The following DOCK1 variants were observed in gnomAD, a reference collection of about 807,000 sequenced individuals.
DOCK1 encodes the protein dedicator of cytokinesis 1, also known as dedicator of cytokinesis protein 1.
A neutral mutation model predicts 262.7 loss-of-function variants in DOCK1; 138 were observed. The observed-to-expected ratio is 0.53, with a 90% CI of 0.46 to 0.61. The LOEUF is 0.61. Ranked by LOEUF, DOCK1 falls within the 20% of genes least tolerant of loss-of-function variation. The probability of loss-of-function intolerance (pLI) is 0.00; values close to 1 mark genes in which losing one functional copy is unlikely to be tolerated. For synonymous variants in DOCK1, 866 were observed against 867.4 expected (o/e 1.00, Z 0.03); for missense variants, 1,908 against 2,370.7 (o/e 0.80, Z 4.05).
chr10:127,105,965 A>C (rs539270861), intron 23 of DOCK1, among the ~76,000 whole-genome samples: 100 of 152,156 alleles, frequency 6.6e-4, no homozygotes, highest in South Asian at 1.2e-3. Context: ...GAATTTCGCC[A>C]TGTTACCCAG....
At chr10:127,189,554 A>C (rs576134687) in intron 27 of DOCK1, among the ~76,000 whole-genome samples, 1 of 152,378 alleles carries the variant, frequency 6.6e-6, no homozygotes, top group East Asian at 1.9e-4. Context: ...ATAAATAGCA[A>C]GTGCAAAACA....
At chr10:127,353,279 C>T (rs1329160034) in intron 31 of DOCK1, among the ~76,000 whole-genome samples, 2 of 152,208 alleles carry the variant, frequency 1.3e-5, no homozygotes, top group Non-Finnish European at 2.9e-5. Context: ...TGCATCCTTT[C>T]CCAGCCCTGG....
intron 49 of DOCK1, among the ~76,000 whole-genome samples, chr10:127,441,186 C>A (rs889362338): frequency 6.6e-6 from 1 of 152,232 alleles, no homozygotes; most frequent in African/African-American, 2.4e-5. Flanking sequence ...AGTCCAAGGA[C>A]ACAAGCACAC....
intron 46 of DOCK1, among the ~76,000 whole-genome samples, chr10:127,423,247 A>G (rs1237902224): frequency 1.3e-5 from 2 of 152,166 alleles, no homozygotes; most frequent in Non-Finnish European, 2.9e-5. Context: ...TTTTCCTGAA[A>G]CTATCAGGGC....
At chr10:127,181,461 G>A (rs1420881717) in intron 27 of DOCK1, among the ~76,000 whole-genome samples, 1 of 152,162 alleles carries the variant, frequency 6.6e-6, no homozygotes, top group Non-Finnish European at 1.5e-5. Context: ...GAAGATGCAG[G>A]CAGCTGCCAG....
intron 29 of DOCK1, among the ~76,000 whole-genome samples, chr10:127,333,408 G>A (rs1215799198): frequency 6.6e-6 from 1 of 152,204 alleles, no homozygotes; most frequent in East Asian, 1.9e-4. Context: ...AGAAGGGCCT[G>A]AGGGTCTGTC....
chr10:126,973,013 G>C (rs1264550657), intron 2 of DOCK1, among the ~76,000 whole-genome samples: 2 of 151,786 alleles, frequency 1.3e-5, no homozygotes, highest in Non-Finnish European at 2.9e-5. Flanking sequence ...TAGAGGTTAA[G>C]GATCAAACCG....
chr10:127,083,642 G>A (rs986355207), intron 23 of DOCK1, among the ~76,000 whole-genome samples: 1 of 152,176 alleles, frequency 6.6e-6, no homozygotes, highest in Non-Finnish European at 1.5e-5. Context: ...AAGGCTAAAT[G>A]GAAGATGATT....
chr10:126,956,471 CACAGGA>C (rs1248667907), intron 1 of DOCK1, among the ~76,000 whole-genome samples: 1 of 152,100 alleles, frequency 6.6e-6, no homozygotes, highest in African/African-American at 2.4e-5. Flanking sequence ...AGGAGGGGAG[CACAGGA>C]ACAGGAGCTG....
chr10:127,074,332 G>A (rs1032173617), intron 23 of DOCK1, among the ~76,000 whole-genome samples: 1 of 152,160 alleles, frequency 6.6e-6, no homozygotes. Flanking sequence ...GGTCCTAGGT[G>A]GGATGACCAG....
chr10:127,287,669 G>T (rs2061207537), intron 29 of DOCK1, among the ~76,000 whole-genome samples: 1 of 152,120 alleles, frequency 6.6e-6, no homozygotes, highest in Non-Finnish European at 1.5e-5. Context: ...TTGTTTGTTT[G>T]TATGTTTGTT....
intron 33 of DOCK1, among the ~76,000 whole-genome samples, chr10:127,370,412 G>A (rs760911841): frequency 1.3e-5 from 2 of 152,098 alleles, no homozygotes; most frequent in Admixed American, 6.5e-5. Context: ...CTCCTGCTGC[G>A]CTCCCACAGA....
intron 37 of DOCK1, 43 bp from the exon 38 acceptor site, chr10:127,384,747 G>A (rs767581924): frequency 6.6e-7 from 1 of 1,507,450 alleles, no homozygotes; most frequent in Non-Finnish European, 8.8e-7. Flanking sequence ...ACGTCCCTGG[G>A]TGTTTCCGCC....
intron 48 of DOCK1, among the ~76,000 whole-genome samples, chr10:127,435,145 T>A (rs568935356): frequency 2.6e-5 from 4 of 152,218 alleles, no homozygotes; most frequent in African/African-American, 9.6e-5. Context: ...TTTTTTTGTA[T>A]TTTTGAGCGG....
chr10:127,052,580 A>T, intron 21 of DOCK1, 101 bp from the exon 22 acceptor site: 3 of 1,550,124 alleles, frequency 1.9e-6, no homozygotes, highest in Non-Finnish European at 2.6e-6. Flanking sequence ...TGATAGATGG[A>T]AACCAAATAA....
chr10:127,363,002 C>CGT (rs1214042906), intron 33 of DOCK1, among the ~76,000 whole-genome samples: 8 of 142,716 alleles, frequency 5.6e-5, no homozygotes, highest in East Asian at 2.0e-4. Flanking sequence ...CCCACACACA[C>CGT]ACGCACATCC....
intron 21 of DOCK1, among the ~76,000 whole-genome samples, chr10:127,045,955 G>C (rs1302874406): frequency 1.3e-5 from 2 of 152,086 alleles, no homozygotes; most frequent in South Asian, 4.1e-4. Flanking sequence ...TCTTTTTGCT[G>C]TCTAATTCCA....
chr10:127,108,215 C>T (rs1328103004), intron 24 of DOCK1, among the ~76,000 whole-genome samples: 2 of 152,200 alleles, frequency 1.3e-5, no homozygotes, highest in East Asian at 3.8e-4. Context: ...GAGGGTAACT[C>T]AAACTTAAGT....
chr10:126,997,641 A>G (rs766558723), intron 7 of DOCK1, among the ~76,000 whole-genome samples: 2 of 152,124 alleles, frequency 1.3e-5, no homozygotes, highest in Non-Finnish European at 2.9e-5. Flanking sequence ...GTATATATAT[A>G]TACACACACA....
Sources: gnomAD v4.1 joint callset for allele counts (sites outside exome capture counted in the v4.1 genomes callset) on GRCh38, gnomAD v4.1.1 for gene constraint, MANE v1.5 for transcripts, NCBI Gene and HGNC (gene_info 2026-07-23, HGNC 2026-07-21) for gene names.